Variants in VAV2 observed in about 807,000 individuals in gnomAD.
VAV2 encodes the protein guanine nucleotide exchange factor VAV2.
In VAV2, 67 loss-of-function variants were observed where a neutral mutation model predicts 132.5. The ratio of observed to expected loss-of-function variants is 0.51; its 90% CI spans 0.42 to 0.62. VAV2 has a LOEUF of 0.62. VAV2 is among the 20% of genes least tolerant of loss of function. VAV2 has a pLI of 0.00. For synonymous variants in VAV2, 492 were observed against 443.5 expected, an observed-to-expected ratio of 1.11 and a Z score of -1.37; for missense variants, 938 against 1,153.6, an observed-to-expected ratio of 0.81 and a Z score of 2.71.
At chr9:133,871,483 T>A (rs1396140956) in intron 2 of VAV2, among the ~76,000 whole-genome samples, 1 of 128,874 alleles carries the variant, frequency 7.8e-6, no homozygotes, top group African/African-American at 4.2e-5. Context: ...GATGGATGGA[T>A]GGATGGATGG....
intron 4 of VAV2, among the ~76,000 whole-genome samples, chr9:133,814,059 C>A (rs1322924117): frequency 6.6e-6 from 1 of 152,152 alleles, no homozygotes. Flanking sequence ...CTCAGCCGTG[C>A]GGGAGAACTG....
chr9:133,911,873 C>T (rs1270545231), intron 2 of VAV2, among the ~76,000 whole-genome samples: 2 of 152,266 alleles, frequency 1.3e-5, no homozygotes, highest in African/African-American at 4.8e-5. Flanking sequence ...TCACGTGGCC[C>T]AGAGCCCCAC....
At chr9:133,772,966 GCCCCACAAC>G (rs1833685719) in intron 25 of VAV2, among the ~76,000 whole-genome samples, 1 of 76,466 alleles carries the variant, frequency 1.3e-5, no homozygotes, top group Non-Finnish European at 3.1e-5. Flanking sequence ...CCTACTGCAC[GCCCCACAAC>G]TAGGCTGGAC....
intron 2 of VAV2, among the ~76,000 whole-genome samples, chr9:133,874,718 G>A (rs984125563): frequency 6.6e-6 from 1 of 152,108 alleles, no homozygotes; most frequent in African/African-American, 2.4e-5. Flanking sequence ...CTTCTTCCTT[G>A]GACCCTTCCC....
At chr9:133,832,643 C>G (rs961518131) in intron 4 of VAV2, among the ~76,000 whole-genome samples, 1 of 152,160 alleles carries the variant, frequency 6.6e-6, no homozygotes, top group Non-Finnish European at 1.5e-5. Context: ...ACTGTAACCT[C>G]CGCCTCCTGA....
intron 1 of VAV2, among the ~76,000 whole-genome samples, chr9:133,972,446 T>C (rs550982051): frequency 1.3e-5 from 2 of 152,146 alleles, no homozygotes; most frequent in South Asian, 4.2e-4. Flanking sequence ...AAAATGGAGA[T>C]TCACCCAAAG....
Position 133,777,436 on chromosome 9 carries a change from CT to C in VAV2, c.1917del (p.Tyr641IlefsTer7). 1 of 1,613,744 alleles carries C rather than the reference CT, an allele frequency of 6.2e-7. No individual in the cohort carries two copies. The highest frequency in any genetic ancestry group is 8.5e-7 in the Non-Finnish European group (1 of 1,180,012). On this transcript the variant is annotated frameshift_variant, in exon 23 of 30. Transcript: ENST00000371850. LOFTEE classifies it high-confidence loss of function. ...TTCACAGATGAGCTGGGGAAATACC[CT>C]GACTTCCTGGTTTGTACCAGACGAC... Reference protein sequence around the residue: ...WEGRLVQTRKSGYFPSSSVKP... With the variant: ...WEGRLVQTRKXGYFPSSSVKP...
In VAV2 at chr9:133,774,972, G is replaced by A. The variant is rs1564332755; in HGVS notation, c.2098C>T (p.Arg700Trp). The A allele has an allele frequency of 7.4e-6, 12 of 1,613,186 alleles. No homozygotes were observed. Among genetic ancestry groups the A allele is most frequent in the African/African-American group, 2.7e-5 (2 of 74,884 alleles). ...HASGTYLIRE[R>W]PAEAERFAIS... is the part of the protein sequence containing the mutation. ...GCAAAGCGCTCAGCCTCGGCAGGCC[G>A]CTCCCTGATCAGGTAGGTCCCGCTG... The change falls in exon 25 of 30, where the codon CGG becomes TGG. Residue 700 changes from arginine to tryptophan, a missense_variant. Physicochemically the swap from Arg to Trp is moderately radical, Grantham distance 101. Coordinates refer to ENST00000371850, the MANE Select transcript of VAV2 (RefSeq NM_001134398.2).
intron 2 of VAV2, among the ~76,000 whole-genome samples, chr9:133,913,874 G>A (rs1006267048): frequency 3.9e-5 from 6 of 152,238 alleles, no homozygotes; most frequent in African/African-American, 1.4e-4. Flanking sequence ...AGCAGGAGGT[G>A]GAGCCCGCAG....
Position 133,961,779 on chromosome 9 carries a change from C to T in VAV2, c.205-22560G>A, listed in dbSNP as rs1287959421. On this transcript the variant is annotated intron_variant, in intron 1 of 29. Coordinates refer to ENST00000371850, the MANE Select transcript of VAV2 (RefSeq NM_001134398.2). This position sits in a 1 kb window ranked among gnomAD's most constrained non-coding sequence, Gnocchi z 4.1. The stretch of plus-strand genomic sequence containing the variant: ...CAGTGGCTCAGGGAGAAGACCCGGG[C>T]TTGCATGATGTACACCAGGGAGCCC... Among the ~76,000 whole-genome samples, 1 of 152,204 alleles carries T rather than the reference C, an allele frequency of 6.6e-6. No individual in the cohort carries two copies. Among genetic ancestry groups the T allele is most frequent in the South Asian group, 2.1e-4 (1 of 4,830 alleles).
chr9:133,786,943 A>G (rs1834250492), intron 16 of VAV2, among the ~76,000 whole-genome samples: 1 of 152,182 alleles, frequency 6.6e-6, no homozygotes, highest in African/African-American at 2.4e-5. Flanking sequence ...GAGGAGGGAG[A>G]GAACACAGAA....
intron 3 of VAV2, among the ~76,000 whole-genome samples, chr9:133,851,664 GTGGATGGATGGATGGA>G (rs144389638): frequency 2.0e-5 from 3 of 151,034 alleles, no homozygotes; most frequent in African/African-American, 4.9e-5. Flanking sequence ...GGACAGAAGG[GTGGATGGATGGATGGA>G]TGGATGGATG....
chr9:133,888,295 C>A (rs1272728821), intron 2 of VAV2, among the ~76,000 whole-genome samples: 1 of 152,336 alleles, frequency 6.6e-6, no homozygotes, highest in Middle Eastern at 3.4e-3. Context: ...GGCTGCACAG[C>A]AACGTGAGTG....
intron 2 of VAV2, among the ~76,000 whole-genome samples, chr9:133,893,497 A>T (rs1186285642): frequency 6.6e-6 from 1 of 152,222 alleles, no homozygotes; most frequent in Non-Finnish European, 1.5e-5. Flanking sequence ...GCCGCCTACC[A>T]GGGGCGAGCC....
At position 133,794,038 on chromosome 9, in the gene VAV2, C is replaced by G. The variant is rs1351128047; in HGVS notation, c.1101+1630G>C. ...ACTTTGTGCAGCACCGTGAGCTACA[C>G]TCCTGGGAAACCATCCCGTCGAGGG... On this transcript the variant is annotated intron_variant, in intron 12 of 29. Coordinates refer to ENST00000371850, the MANE Select transcript of VAV2 (RefSeq NM_001134398.2). This position sits in a 1 kb window ranked among gnomAD's most constrained non-coding sequence, Gnocchi z 4.6. Among the ~76,000 whole-genome samples, 1 of 152,162 alleles carries G rather than the reference C, an allele frequency of 6.6e-6. No individual in the cohort carries two copies. Among genetic ancestry groups the G allele is most frequent in the Non-Finnish European group, 1.5e-5 (1 of 68,036 alleles).
intron 1 of VAV2, among the ~76,000 whole-genome samples, chr9:133,953,020 T>C (rs1019279587): frequency 6.7e-6 from 1 of 149,732 alleles, no homozygotes; most frequent in Admixed American, 6.6e-5. Context: ...ACCTAGAACC[T>C]GGAGGGAGCA....
chr9:133,847,584 A>G (rs1009638061), intron 3 of VAV2, among the ~76,000 whole-genome samples: 1 of 152,142 alleles, frequency 6.6e-6, no homozygotes, highest in African/African-American at 2.4e-5. Flanking sequence ...CCATGCCTAG[A>G]TGAATACTGG....
intron 29 of VAV2, among the ~76,000 whole-genome samples, chr9:133,765,080 T>C (rs1833389426): frequency 6.6e-6 from 1 of 152,142 alleles, no homozygotes; most frequent in Non-Finnish European, 1.5e-5. Context: ...GATGAATAAG[T>C]ACAGGAGAAA....
intron 1 of VAV2, among the ~76,000 whole-genome samples, chr9:133,942,829 G>C (rs1039309916): frequency 2.0e-5 from 3 of 152,200 alleles, no homozygotes; most frequent in Non-Finnish European, 4.4e-5. Flanking sequence ...CCCAACCCAG[G>C]GTGGTCTCTG....
Sources: gnomAD v4.1 joint callset for allele counts (sites outside exome capture counted in the v4.1 genomes callset) on GRCh38, gnomAD v4.1.1 for gene constraint, Gnocchi (gnomAD v3.1) non-coding constraint, MANE v1.5 for transcripts, NCBI Gene and HGNC (gene_info 2026-07-23, HGNC 2026-07-21) for gene names.